The following COL23A1 variants were observed in gnomAD, a reference collection of about 807,000 sequenced individuals.
COL23A1 encodes collagen alpha-1(XXIII) chain.
In COL23A1, 97 loss-of-function variants were observed where a neutral mutation model predicts 99.3. That is an observed-to-expected ratio of 0.98 (90% CI 0.83 to 1.16). The LOEUF (loss-of-function observed/expected upper bound fraction) is 1.16. Ranked by LOEUF, COL23A1 falls within the 50% of genes most tolerant of loss-of-function variation. The pLI is 0.00. For synonymous variants in COL23A1, 320 were observed against 308.2 expected, an observed-to-expected ratio of 1.04 and a Z score of -0.40; for missense variants, 762 against 757.4, an observed-to-expected ratio of 1.01 and a Z score of -0.07.
intron 20 of COL23A1, 151 bp downstream of exon 20, chr5:178,248,041 G>A: frequency 1.4e-6 from 1 of 718,082 alleles, no homozygotes; most frequent in Non-Finnish European, 2.4e-6. Flanking sequence ...GTGAGACTCT[G>A]TTCTCAGAGG....
At chr5:178,301,870 C>A (rs886131678) in intron 3 of COL23A1, among the ~76,000 whole-genome samples, 5 of 138,202 alleles carry the variant, frequency 3.6e-5, no homozygotes, top group African/African-American at 1.4e-4. Context: ...CTGCACCTCG[C>A]ACAGCACAGC....
intron 2 of COL23A1, among the ~76,000 whole-genome samples, chr5:178,462,897 G>A (rs377171601): frequency 6.6e-6 from 1 of 152,206 alleles, no homozygotes; most frequent in East Asian, 1.9e-4. Context: ...GAAAATTTAC[G>A]GACAGCAGAT....
intron 2 of COL23A1, among the ~76,000 whole-genome samples, chr5:178,491,627 C>T (rs112683357): frequency 2.6e-5 from 4 of 151,970 alleles, no homozygotes; most frequent in African/African-American, 7.3e-5. Flanking sequence ...AAGCAGAGAG[C>T]GGACCACAGA....
intron 4 of COL23A1, chr5:178,288,551 G>C: frequency 1.6e-6 from 1 of 636,928 alleles, no homozygotes; most frequent in Non-Finnish European, 2.9e-6. Context: ...AGGCTGGAGG[G>C]ACCAAGAGCC....
chr5:178,269,321 A>C (rs1302264075), intron 6 of COL23A1, among the ~76,000 whole-genome samples: 1 of 149,222 alleles, frequency 6.7e-6, no homozygotes. Flanking sequence ...CCATCCATCC[A>C]TCCATCCATG....
intron 18 of COL23A1, 75 bp downstream of exon 18, chr5:178,249,986 C>A (rs1764943249): frequency 3.8e-6 from 1 of 263,492 alleles, no homozygotes; most frequent in Non-Finnish European, 5.1e-6. Context: ...CATGCACACG[C>A]ACACACACAC....
chr5:178,403,127 TAAATAAA>T (rs1764555162), intron 2 of COL23A1, among the ~76,000 whole-genome samples: 1 of 52,804 alleles, frequency 1.9e-5, no homozygotes, highest in African/African-American at 8.5e-5. Flanking sequence ...AAAAAATAAA[TAAATAAA>T]AAATAAATAC....
chr5:178,481,781 A>G (rs1302230660), intron 2 of COL23A1, among the ~76,000 whole-genome samples: 2 of 149,998 alleles, frequency 1.3e-5, no homozygotes, highest in Non-Finnish European at 3.0e-5. Flanking sequence ...AAAATGGTGC[A>G]GCTGCCACCT....
intron 5 of COL23A1, among the ~76,000 whole-genome samples, chr5:178,284,118 T>A (rs1447463416): frequency 6.6e-6 from 1 of 152,224 alleles, no homozygotes; most frequent in East Asian, 1.9e-4. Context: ...AGGCTCAACT[T>A]TTGATCCACA....
At chr5:178,517,557 G>GTTTTTTTTTTTTTCT (rs35787274) in intron 2 of COL23A1, among the ~76,000 whole-genome samples, 1 of 84,966 alleles carries the variant, frequency 1.2e-5, no homozygotes, top group Non-Finnish European at 2.0e-5. Context: ...GGTGACAGCA[G>GTTTTTTTTTTTTTCT]TTTTTTTTTT....
intron 2 of COL23A1, among the ~76,000 whole-genome samples, chr5:178,547,001 A>G (rs1335600404): frequency 6.6e-6 from 1 of 152,178 alleles, no homozygotes; most frequent in African/African-American, 2.4e-5. Flanking sequence ...GTGGCCTTCC[A>G]AGCTTGGGGG....
chr5:178,585,618 A>T (rs374175116), intron 1 of COL23A1, among the ~76,000 whole-genome samples: 865 of 71,314 alleles, frequency 0.012, 3 homozygotes, highest in Middle Eastern at 0.1. Flanking sequence ...ACAGCCCTGG[A>T]TGGCGCTGGG....
intron 1 of COL23A1, among the ~76,000 whole-genome samples, chr5:178,563,259 T>C (rs1317766317): frequency 6.6e-6 from 1 of 152,132 alleles, no homozygotes; most frequent in Non-Finnish European, 1.5e-5. Flanking sequence ...TGGATGGAGC[T>C]GCCCAGCTGT....
At position 178,309,932 on chromosome 5, in the gene COL23A1, A is replaced by G. The variant is rs1459683046; in HGVS notation, c.362-3013T>C. 2.6e-5 allele frequency among the ~76,000 whole-genome samples: 2 copies of G among 77,344 alleles called. No homozygotes were observed. Among genetic ancestry groups the G allele is most frequent in the East Asian group, 2.7e-4 (1 of 3,670 alleles). 50.7% of individuals were successfully genotyped at this position (77,344 alleles called of 152,430 possible). ...CGACCAAGTGATGTGTGTTCAGGGG[A>G]GGAAGGGCGGGGGGGAGAGGGAGGG... On this transcript the variant is annotated intron_variant, in intron 2 of 28. Transcript: ENST00000390654. This position sits in a 1 kb window ranked among gnomAD's most constrained non-coding sequence, Gnocchi z 4.7.
chr5:178,274,072 G>A (rs900808729), intron 5 of COL23A1, among the ~76,000 whole-genome samples: 1 of 152,240 alleles, frequency 6.6e-6, no homozygotes, highest in Admixed American at 6.5e-5. Context: ...TTCCACGGTT[G>A]AGTAAGTCTG....
At chr5:178,477,769 G>A (rs1455969989) in intron 2 of COL23A1, among the ~76,000 whole-genome samples, 1 of 152,218 alleles carries the variant, frequency 6.6e-6, no homozygotes, top group Non-Finnish European at 1.5e-5. Flanking sequence ...GGAGAGGAAA[G>A]CCTTGTTGAA....
At chr5:178,279,508 C>T (rs540557193) in intron 5 of COL23A1, among the ~76,000 whole-genome samples, 10 of 152,242 alleles carry the variant, frequency 6.6e-5, no homozygotes, top group Non-Finnish European at 1.5e-4. Flanking sequence ...CTCCACCTTG[C>T]AGCGCCTGGT....
chr5:178,473,122 G>C (rs10040117), intron 2 of COL23A1, among the ~76,000 whole-genome samples: 47,732 of 150,540 alleles, frequency 0.32, 7,883 homozygotes, highest in African/African-American at 0.38. Context: ...GACTCTCTTC[G>C]CCATCCCCCC....
rs1175878506 is a variant in COL23A1 at position 178,308,158 on chromosome 5, G to A, written c.362-1239C>T. 6.6e-6 allele frequency among the ~76,000 whole-genome samples: 1 copy of A among 151,978 alleles called. No homozygotes were observed. The highest frequency in any genetic ancestry group is 6.6e-5 in the Admixed American group (1 of 15,250). ...GTGTGTCCTGTGGGAGGTGCTTCTC[G>A]ACTTTTGTTAAGGGAAGGGGAGGAG... On this transcript the variant is annotated intron_variant, in intron 2 of 28. Transcript: ENST00000390654. The surrounding 1 kb of genome is among the most constrained non-coding windows in gnomAD (Gnocchi z 5.1).
Sources: allele counts gnomAD v4.1 joint callset (sites outside exome capture counted in the v4.1 genomes callset), GRCh38; gene constraint gnomAD v4.1.1; non-coding constraint Gnocchi (gnomAD v3.1); transcripts MANE v1.5; gene names NCBI Gene and HGNC (gene_info 2026-07-23, HGNC 2026-07-21).